Variants in CACNG5 observed in about 807,000 individuals in gnomAD.
CACNG5 encodes calcium voltage-gated channel auxiliary subunit gamma 5.
Under a neutral mutation model 24.8 loss-of-function variants are expected in CACNG5, and 18 were observed. That is an observed-to-expected ratio of 0.73 (90% confidence interval 0.50 to 1.08). The LOEUF (loss-of-function observed/expected upper bound fraction) is 1.08, where lower values mean the gene tolerates loss of function less well. Among genes scored for constraint, CACNG5 ranks in the 50% least tolerant of loss-of-function variants. The pLI is 0.00. For synonymous variants in CACNG5, 157 were observed against 149.1 expected, an observed-to-expected ratio of 1.05 and a Z score of -0.39; for missense variants, 349 against 367.9, an observed-to-expected ratio of 0.95 and a Z score of 0.42.
intron 1 of CACNG5, among the ~76,000 whole-genome samples, chr17:66,849,523 C>T (rs57653807): frequency 0.078 from 11,867 of 152,232 alleles, 892 homozygotes; most frequent in African/African-American, 0.2. Context: ...GGCTGAGTGG[C>T]CTTGGGCTGT....
intron 1 of CACNG5, among the ~76,000 whole-genome samples, chr17:66,851,528 A>G (rs1792581585): frequency 6.6e-6 from 1 of 152,218 alleles, no homozygotes; most frequent in African/African-American, 2.4e-5. Context: ...GGAAAAGTCT[A>G]TAAAATAAAT....
chr17:66,879,175 G>A (rs1200496108), intron 3 of CACNG5, 117 bp downstream of exon 3: 14 of 694,766 alleles, frequency 2.0e-5, no homozygotes, highest in Non-Finnish European at 3.2e-5. Context: ...ACTCAGCTGG[G>A]TGTGCTGTCC....
Position 66,892,257 on chromosome 17 carries a change from T to C in CACNG5, c.*7017T>C, listed in dbSNP as rs1345641634. Among the ~76,000 whole-genome samples, 1 of 152,248 alleles carries C rather than the reference T, an allele frequency of 6.6e-6. No individual in the cohort carries two copies. Among genetic ancestry groups the C allele is most frequent in the Admixed American group, 6.5e-5 (1 of 15,288 alleles). ...TGCCTGGGGCAAGACGCCAAATTCA[T>C]GGGCTCATGCCCAGCCCTTCTGCCT... On this transcript the variant is annotated 3_prime_UTR_variant, in exon 6 of 6. Transcript: ENST00000533854.
At chr17:66,847,129 G>T (rs899073073) in intron 1 of CACNG5, among the ~76,000 whole-genome samples, 1 of 152,152 alleles carries the variant, frequency 6.6e-6, no homozygotes, top group African/African-American at 2.4e-5. Flanking sequence ...GAAGTCAGAG[G>T]CTTGAGGCTT....
In CACNG5 at chr17:66,877,283, C is replaced by A. The variant is rs1452953046; in HGVS notation, c.-50C>A. On this transcript the variant is annotated 5_prime_UTR_variant, in exon 2 of 6. Coordinates refer to ENST00000533854, the MANE Select transcript of CACNG5 (RefSeq NM_145811.3). ...ACTCTCCCTAGCCCCAGAGCGCAGT[C>A]CGTGCTGGTGGGAGCGTGGCGACTA... 1.3e-6 allele frequency: 2 copies of A among 1,522,790 alleles called. No individual in the cohort carries two copies. The highest frequency in any genetic ancestry group is 1.4e-5 in the African/African-American group (1 of 73,440). The allele number at this position is 1,522,790 out of a possible 1,614,324, so 94.3% of individuals were successfully genotyped here.
intron 1 of CACNG5, among the ~76,000 whole-genome samples, chr17:66,848,205 C>T (rs577654748): frequency 1.3e-5 from 2 of 152,306 alleles, no homozygotes; most frequent in South Asian, 2.1e-4. Flanking sequence ...GGTTGCTGCC[C>T]ACTCTGAATC....
Position 66,847,112 on chromosome 17 carries a change from AG to A in CACNG5, c.-104+11864del, listed in dbSNP as rs374308782. On this transcript the variant is annotated intron_variant, in intron 1 of 5. Transcript: ENST00000533854. ...ACCTGTTCACTTCATGGCTCTTGTG[AG>A]GCTGAGAAGTCAGAGGCTTGAGGCT... 9.8e-4 allele frequency among the ~76,000 whole-genome samples: 149 copies of A among 152,280 alleles called. 1 individual carries two copies. Among genetic ancestry groups the A allele is most frequent in the African/African-American group, 3.5e-3 (147 of 41,552 alleles).
chr17:66,890,895 C>T lies in CACNG5; in HGVS notation c.*5655C>T, dbSNP rs111640710. Among the ~76,000 whole-genome samples, 135 of 152,264 alleles carry T rather than the reference C, an allele frequency of 8.9e-4. 1 individual carries two copies. Among genetic ancestry groups the T allele is most frequent in the African/African-American group, 3.2e-3 (131 of 41,540 alleles). ...AGCCCCTGCCTCCTGATGGAGGCAC[C>T]CAGATGACAACACTCCAAAGAATGT... On this transcript the variant is annotated 3_prime_UTR_variant, in exon 6 of 6. Coordinates refer to ENST00000533854, the MANE Select transcript of CACNG5 (RefSeq NM_145811.3).
chr17:66,878,276 G>A (rs1165300842), intron 2 of CACNG5, among the ~76,000 whole-genome samples: 1 of 152,240 alleles, frequency 6.6e-6, no homozygotes, highest in Non-Finnish European at 1.5e-5. Context: ...GGCCTGGATT[G>A]CCACAGTGTG....
At chr17:66,857,690 G>A (rs1341823164) in intron 1 of CACNG5, among the ~76,000 whole-genome samples, 1 of 152,206 alleles carries the variant, frequency 6.6e-6, no homozygotes, top group Admixed American at 6.5e-5. Flanking sequence ...ATATTGGGAA[G>A]CTCCGCTCTA....
chr17:66,840,661 C>T (rs1487455715), intron 1 of CACNG5, among the ~76,000 whole-genome samples: 8 of 152,128 alleles, frequency 5.3e-5, no homozygotes, highest in Admixed American at 2.0e-4. Flanking sequence ...AGTTGAAAAA[C>T]GAGAAGCAGC....
chr17:66,853,635 G>A (rs753193521), intron 1 of CACNG5, among the ~76,000 whole-genome samples: 5 of 152,098 alleles, frequency 3.3e-5, no homozygotes, highest in East Asian at 1.9e-4. Flanking sequence ...ACAAAAGCAA[G>A]CTATGTCCCA....
chr17:66,867,087 CA>C (rs1319525275), intron 1 of CACNG5, among the ~76,000 whole-genome samples: 1 of 152,210 alleles, frequency 6.6e-6, no homozygotes, highest in Non-Finnish European at 1.5e-5. Context: ...TTCCCACCAA[CA>C]GTGTAAAAGC....
chr17:66,872,709 T>C (rs1275618797), intron 1 of CACNG5, among the ~76,000 whole-genome samples: 2 of 152,300 alleles, frequency 1.3e-5, no homozygotes, highest in East Asian at 1.9e-4. Flanking sequence ...TGTGTGTGCT[T>C]TGAGGAAAGT....
chr17:66,875,578 C>A (rs779060962), intron 1 of CACNG5, among the ~76,000 whole-genome samples: 6 of 152,192 alleles, frequency 3.9e-5, no homozygotes, highest in Non-Finnish European at 5.9e-5. Context: ...TCAACTCAGA[C>A]TCTGCAGACA....
At chr17:66,863,539 G>A (rs1333623462) in intron 1 of CACNG5, among the ~76,000 whole-genome samples, 1 of 151,974 alleles carries the variant, frequency 6.6e-6, no homozygotes, top group Non-Finnish European at 1.5e-5. Context: ...GCTAATTTTT[G>A]TATTTTTAGT....
At chr17:66,864,790 C>G (rs1035357693) in intron 1 of CACNG5, among the ~76,000 whole-genome samples, 24 of 152,114 alleles carry the variant, frequency 1.6e-4, no homozygotes, top group Non-Finnish European at 3.2e-4. Context: ...TTAGACTAAC[C>G]CCAGAACCAT....
intron 1 of CACNG5, among the ~76,000 whole-genome samples, chr17:66,850,520 A>T (rs368604613): frequency 6.8e-6 from 1 of 146,394 alleles, no homozygotes; most frequent in East Asian, 1.9e-4. Flanking sequence ...TTTAAAGTAT[A>T]TTTTTTTTTT....
At position 66,886,914 on chromosome 17, in the gene CACNG5, C is replaced by A. The variant is rs1248543484; in HGVS notation, c.*1674C>A. 6.6e-6 allele frequency among the ~76,000 whole-genome samples: 1 copy of A among 152,214 alleles called. No individual in the cohort carries two copies. Among genetic ancestry groups the A allele is most frequent in the African/African-American group, 2.4e-5 (1 of 41,458 alleles). On this transcript the variant is annotated 3_prime_UTR_variant, in exon 6 of 6. Coordinates refer to ENST00000533854, the MANE Select transcript of CACNG5 (RefSeq NM_145811.3). The stretch of plus-strand genomic sequence containing the variant: ...CCTTCCCGCTGTGTCCTCATGTGGT[C>A]TGTGTGCCCGTGTCCCTGGTGTCCC...
Sources: gnomAD v4.1 joint callset for allele counts (sites outside exome capture counted in the v4.1 genomes callset) on GRCh38, gnomAD v4.1.1 for gene constraint, MANE v1.5 for transcripts, NCBI Gene and HGNC (gene_info 2026-07-23, HGNC 2026-07-21) for gene names.